The following SNTG1 variants were observed in gnomAD, a reference collection of about 807,000 sequenced individuals.
SNTG1 encodes the protein syntrophin gamma 1, also known as gamma-1-syntrophin.
SNTG1 carries 39 observed loss-of-function variants against 74.7 expected under a neutral mutation model. The observed-to-expected ratio is 0.52, with a 90% CI of 0.40 to 0.68. The LOEUF is 0.68. Among genes scored for constraint, SNTG1 ranks in the 30% least tolerant of loss-of-function variants. The pLI is 0.00. For missense variants in SNTG1, 685 were observed against 609.5 expected (o/e 1.12, Z -1.30); for synonymous variants, 254 against 217.1 (o/e 1.17, Z -1.49).
chr8:50,096,681 G>C (rs1249150207), intron 1 of SNTG1, among the ~76,000 whole-genome samples: 2 of 152,126 alleles, frequency 1.3e-5, no homozygotes, highest in East Asian at 1.9e-4. Flanking sequence ...TAAAATAGGA[G>C]ATACATATTG....
intron 15 of SNTG1, among the ~76,000 whole-genome samples, chr8:50,684,440 C>T (rs2095343530): frequency 6.6e-6 from 1 of 152,094 alleles, no homozygotes; most frequent in Admixed American, 6.6e-5. Context: ...TGTTTGTTTG[C>T]TTTTCTGGTT....
intron 4 of SNTG1, among the ~76,000 whole-genome samples, chr8:50,436,378 G>C (rs2093303156): frequency 6.6e-6 from 1 of 152,028 alleles, no homozygotes; most frequent in Non-Finnish European, 1.5e-5. Context: ...TCCAGTATTT[G>C]AGTTATTCTA....
At chr8:50,355,216 C>CTATGT (rs1321886215) in intron 2 of SNTG1, among the ~76,000 whole-genome samples, 2 of 151,892 alleles carry the variant, frequency 1.3e-5, no homozygotes, top group Admixed American at 1.3e-4. Context: ...AGCCAAGCAG[C>CTATGT]TATGTAGTGA....
At chr8:49,955,910 G>A (rs1437074346) in intron 1 of SNTG1, among the ~76,000 whole-genome samples, 3 of 152,156 alleles carry the variant, frequency 2.0e-5, no homozygotes, top group Non-Finnish European at 4.4e-5. Flanking sequence ...TGACTTCTGA[G>A]CCCTTGGCAA....
At chr8:50,424,064 A>G (rs2093130802) in intron 4 of SNTG1, among the ~76,000 whole-genome samples, 1 of 152,162 alleles carries the variant, frequency 6.6e-6, no homozygotes. Context: ...CTTCCCCAGT[A>G]TCTAGCCCTA....
chr8:50,039,656 T>C (rs1818465608), intron 1 of SNTG1, among the ~76,000 whole-genome samples: 1 of 152,106 alleles, frequency 6.6e-6, no homozygotes, highest in Non-Finnish European at 1.5e-5. Flanking sequence ...TTTTTTTGCC[T>C]ATAGAGTATA....
chr8:50,517,914 A>G (rs1257530266), intron 9 of SNTG1, among the ~76,000 whole-genome samples: 1 of 152,176 alleles, frequency 6.6e-6, no homozygotes, highest in Admixed American at 6.5e-5. Flanking sequence ...GAAAATTAAC[A>G]AGGATATTCA....
At chr8:50,600,718 T>C (rs2094766636) in intron 13 of SNTG1, among the ~76,000 whole-genome samples, 1 of 152,260 alleles carries the variant, frequency 6.6e-6, no homozygotes, top group African/African-American at 2.4e-5. Flanking sequence ...GTCAATATTA[T>C]TTATCTGTTT....
At chr8:50,727,861 CA>C (rs1250631345) in intron 17 of SNTG1, among the ~76,000 whole-genome samples, 1 of 152,148 alleles carries the variant, frequency 6.6e-6, no homozygotes, top group Non-Finnish European at 1.5e-5. Context: ...TATTGCATGC[CA>C]AATAAGTTCT....
At chr8:50,133,934 G>T (rs1024108167) in intron 1 of SNTG1, among the ~76,000 whole-genome samples, 3 of 152,186 alleles carry the variant, frequency 2.0e-5, no homozygotes, top group African/African-American at 7.2e-5. Flanking sequence ...AACAAAAGAA[G>T]TCATGGAAGC....
chr8:50,223,390 G>A, intron 2 of SNTG1, among the ~76,000 whole-genome samples: 1 of 152,090 alleles, frequency 6.6e-6, no homozygotes, highest in East Asian at 1.9e-4. Flanking sequence ...ATAAAAATAT[G>A]CAATTTTAAT....
At chr8:50,028,051 T>C (rs968246916) in intron 1 of SNTG1, among the ~76,000 whole-genome samples, 6 of 152,142 alleles carry the variant, frequency 3.9e-5, no homozygotes, top group Admixed American at 6.5e-5. Flanking sequence ...TACCACATGT[T>C]CTTGAAACCA....
intron 1 of SNTG1, among the ~76,000 whole-genome samples, chr8:49,929,711 T>G (rs567256107): frequency 6.8e-6 from 1 of 147,144 alleles, no homozygotes; most frequent in Non-Finnish European, 1.5e-5. Context: ...TTTAGCTTAT[T>G]TTTTTTTAAT....
intron 1 of SNTG1, among the ~76,000 whole-genome samples, chr8:50,137,771 G>A (rs2081522625): frequency 6.6e-6 from 1 of 152,150 alleles, no homozygotes; most frequent in Admixed American, 6.5e-5. Context: ...TTCTGAGGCA[G>A]CATCAACACA....
chr8:50,746,227 G>A (rs2095554839), intron 17 of SNTG1, among the ~76,000 whole-genome samples: 1 of 151,808 alleles, frequency 6.6e-6, no homozygotes, highest in South Asian at 2.1e-4. Context: ...TGGAGTTTTA[G>A]TACTCTAAAA....
intron 2 of SNTG1, among the ~76,000 whole-genome samples, chr8:50,325,448 T>C (rs1490429880): frequency 6.6e-6 from 1 of 152,098 alleles, no homozygotes; most frequent in African/African-American, 2.4e-5. Context: ...AAAAGATTTA[T>C]GCTGAAATAT....
intron 1 of SNTG1, among the ~76,000 whole-genome samples, chr8:50,049,727 A>G (rs1819407085): frequency 6.6e-6 from 1 of 152,098 alleles, no homozygotes; most frequent in Admixed American, 6.6e-5. Flanking sequence ...CATCTTAACA[A>G]ATTTAAAATA....
chr8:50,778,477 GT>G (rs1364266162), intron 18 of SNTG1, among the ~76,000 whole-genome samples: 2 of 151,752 alleles, frequency 1.3e-5, no homozygotes, highest in African/African-American at 4.9e-5. Flanking sequence ...TTTTTCATGT[GT>G]TTTTTGGCTG....
intron 4 of SNTG1, among the ~76,000 whole-genome samples, chr8:50,428,735 T>C (rs144661672): frequency 6.6e-6 from 1 of 152,254 alleles, no homozygotes; most frequent in African/African-American, 2.4e-5. Flanking sequence ...AGAAGTGCTG[T>C]AAATGTGATC....
Sources: gnomAD v4.1 joint callset for allele counts (sites outside exome capture counted in the v4.1 genomes callset) on GRCh38, gnomAD v4.1.1 for gene constraint, MANE v1.5 for transcripts, NCBI Gene and HGNC (gene_info 2026-07-23, HGNC 2026-07-21) for gene names.